The following DGKG variants were observed in gnomAD, a reference collection of about 807,000 sequenced individuals.
The protein encoded by DGKG is DAG kinase gamma.
A neutral mutation model predicts 105.3 loss-of-function variants in DGKG; 78 were observed. The ratio of observed to expected loss-of-function variants is 0.74; its 90% CI spans 0.62 to 0.89. The LOEUF (loss-of-function observed/expected upper bound fraction) is 0.89, where lower values mean the gene tolerates loss of function less well. Among genes scored for constraint, DGKG ranks in the 40% least tolerant of loss-of-function variants. The pLI, the probability that DGKG is intolerant of heterozygous loss-of-function variation, is 0.00. For missense variants in DGKG, 958 were observed against 1,020.1 expected (o/e 0.94, Z 0.83); for synonymous variants, 346 against 367.1 (o/e 0.94, Z 0.66).
Position 186,288,835 on chromosome 3 carries a change from G to A in DGKG, c.419C>T (p.Ala140Val). The A allele has an allele frequency of 6.2e-7, 1 of 1,606,560 alleles. No individual in the cohort carries two copies. The highest frequency in any genetic ancestry group is 8.5e-7 in the Non-Finnish European group (1 of 1,176,658). ...GACGGGGGGTTCCAGGGGGGTCGCA[G>A]CCACTTGGTCTTCAGCTGGTGCTTG... ...EKQAPAEDQV[A>V]ATPLEPPVPR... The change falls in exon 6 of 25, where the codon GCT becomes GTT. Residue 140 changes from alanine (A) to valine (V), a missense_variant. Transcript: ENST00000265022.
At position 186,268,855 on chromosome 3, in the gene DGKG, A is replaced by G. The variant is rs766012608; in HGVS notation, c.1062T>C (p.Ser354=). 1.2e-6 allele frequency: 2 copies of G among 1,614,044 alleles called. No homozygotes were observed. The highest frequency in any genetic ancestry group is 2.2e-5 in the South Asian group (2 of 91,082). ...SSVKCDRCHK[S]IKCYQSVTAR... ...CGGTGACACTCTGGTAGCACTTGAT[A>G]CTTTTGTGGCACCGGTCACACTTGA... is the stretch of plus-strand genomic sequence containing the variant. Residue 354 remains serine (S), a synonymous_variant, in exon 12 of 25, where the codon AGT becomes AGC. Transcript: ENST00000265022.
chr3:186,186,803 T>G (rs1482270559), intron 22 of DGKG, among the ~76,000 whole-genome samples: 2 of 152,114 alleles, frequency 1.3e-5, no homozygotes, highest in Non-Finnish European at 2.9e-5. Flanking sequence ...TTTGATTGAA[T>G]CTCTCCATTT....
rs565744810 is a variant in DGKG, at chr3:186,183,956, G to A, written c.2095+4246C>T. Among the ~76,000 whole-genome samples the A allele has an allele frequency of 3.4e-3, 517 of 152,188 alleles. 3 individuals carry two copies. The highest frequency in any genetic ancestry group is 0.012 in the African/African-American group (497 of 41,516). ...CAACTTCAGGTGATCCACCTGCCTC[G>A]GCTTCCCAAAGTGCTGGGATTACAG... On this transcript the variant is annotated intron_variant, in intron 22 of 24. Coordinates refer to ENST00000265022, the MANE Select transcript of DGKG (RefSeq NM_001346.3).
chr3:186,147,709 T>C lies in DGKG; in HGVS notation c.*2381A>G. ...GTCTCTGAGAATCAATTTCACCTGT[T>C]GATAGTGCCATGTCTCAATAGCCTC... On this transcript the variant is annotated 3_prime_UTR_variant, in exon 25 of 25. Transcript: ENST00000265022. 1.0e-6 allele frequency: 1 copy of C among 985,442 alleles called. No homozygotes were observed. Among genetic ancestry groups the C allele is most frequent in the Non-Finnish European group, 1.2e-6 (1 of 829,936 alleles). 61.0% of individuals were successfully genotyped at this position (985,442 alleles called of 1,614,324 possible).
chr3:186,257,917 G>C lies in DGKG; in HGVS notation c.1447C>G (p.Pro483Ala), dbSNP rs1301704466. ...TPGLNFFRDTPDFRVLACGGD... is the reference protein window; with the variant it reads ...TPGLNFFRDTADFRVLACGGD... ...CCACAGGCCAAAACACGGAAGTCTGGAGTATCACGGAAAAAGTTCAACCTG... is the reference window on the plus strand; with the variant it reads ...CCACAGGCCAAAACACGGAAGTCTGCAGTATCACGGAAAAAGTTCAACCTG... Residue 483 changes from proline (P) to alanine (A), a missense_variant, in exon 17 of 25, where the codon CCA (proline) becomes GCA (alanine). Transcript: ENST00000265022. 6.2e-7 allele frequency: 1 copy of C among 1,613,930 alleles called. No individual in the cohort carries two copies. The highest frequency in any genetic ancestry group is 8.5e-7 in the Non-Finnish European group (1 of 1,179,978).
rs560407287 is a variant in DGKG, at chr3:186,205,477, A to C, written c.1917+6318T>G. Among the ~76,000 whole-genome samples the C allele has an allele frequency of 5.3e-5, 8 of 152,276 alleles. No homozygotes were observed. The South Asian group carries it at 1.0e-3, about 20-fold the overall frequency. On this transcript the variant is annotated intron_variant, in intron 21 of 24. Coordinates refer to ENST00000265022, the MANE Select transcript of DGKG (RefSeq NM_001346.3). ...GTAATCTCAGCACTTTGGGAGGCCAAGGTGGGTGGGTCACCTGAGGTTAGG... is the reference window on the plus strand; with the variant it reads ...GTAATCTCAGCACTTTGGGAGGCCACGGTGGGTGGGTCACCTGAGGTTAGG...
chr3:186,158,097 C>G (rs1164779046), intron 24 of DGKG: 1 of 531,346 alleles, frequency 1.9e-6, no homozygotes, highest in East Asian at 1.5e-4. Flanking sequence ...TGATTCCTTT[C>G]TCTTTTAAAA....
chr3:186,167,970 C>T (rs951677724), intron 22 of DGKG, among the ~76,000 whole-genome samples: 1 of 152,208 alleles, frequency 6.6e-6, no homozygotes, highest in African/African-American at 2.4e-5. Flanking sequence ...GTGACTGATT[C>T]TGCTGGGGCA....
At chr3:186,348,170 C>G (rs1447751328) in intron 1 of DGKG, among the ~76,000 whole-genome samples, 1 of 152,080 alleles carries the variant, frequency 6.6e-6, no homozygotes, top group South Asian at 2.1e-4. Flanking sequence ...GTAATTTTGG[C>G]AGTTGCATTG....
chr3:186,311,109 T>C (rs1266492954), intron 2 of DGKG, among the ~76,000 whole-genome samples: 1 of 152,158 alleles, frequency 6.6e-6, no homozygotes, highest in Admixed American at 6.5e-5. Context: ...CCTGGGGAGC[T>C]CTATACACAC....
chr3:186,171,985 T>C (rs1388742359), intron 22 of DGKG, among the ~76,000 whole-genome samples: 2 of 152,044 alleles, frequency 1.3e-5, no homozygotes, highest in Non-Finnish European at 2.9e-5. Flanking sequence ...CCTCCCAATT[T>C]TCTGGGATTA....
chr3:186,358,285 C>T (rs560193560), intron 1 of DGKG, among the ~76,000 whole-genome samples: 4 of 152,354 alleles, frequency 2.6e-5, no homozygotes, highest in Admixed American at 6.5e-5. Context: ...GGTAAGCTTA[C>T]GCACAGGTGC....
At chr3:186,327,665 G>A (rs1405252662) in intron 1 of DGKG, among the ~76,000 whole-genome samples, 1 of 151,472 alleles carries the variant, frequency 6.6e-6, no homozygotes, top group African/African-American at 2.4e-5. Flanking sequence ...CACCTGCCTC[G>A]GTCTCCCAAA....
chr3:186,197,812 A>G (rs1718258642), intron 21 of DGKG, among the ~76,000 whole-genome samples: 1 of 152,176 alleles, frequency 6.6e-6, no homozygotes. Flanking sequence ...CGCTGCCTAA[A>G]CTGCCCATCA....
At chr3:186,279,568 G>T (rs1346693700) in intron 9 of DGKG, 3 of 217,366 alleles carry the variant, frequency 1.4e-5, no homozygotes, top group Non-Finnish European at 2.7e-5. Context: ...CCCTTTGCCT[G>T]GTTGAGTATA....
At chr3:186,349,669 G>T (rs78029771) in intron 1 of DGKG, among the ~76,000 whole-genome samples, 2,264 of 152,242 alleles carry the variant, frequency 0.015, 52 homozygotes, top group African/African-American at 0.052. Context: ...CCAGCACAAG[G>T]CACATCTGAG....
In DGKG at chr3:186,317,379, G is replaced by C. The variant is rs1159499510; in HGVS notation, c.67+3014C>G. 2.0e-5 allele frequency among the ~76,000 whole-genome samples: 3 copies of C among 152,174 alleles called. No individual in the cohort carries two copies. In the East Asian group the frequency reaches 5.8e-4, roughly 29 times the overall value. ...CTCCTCGCATGATTCCCAAACCAGA[G>C]CTATGGACTGACCCCTCATTTCCAC... On this transcript the variant is annotated intron_variant, in intron 2 of 24. Transcript: ENST00000265022.
intron 24 of DGKG, among the ~76,000 whole-genome samples, chr3:186,152,686 C>T (rs1250648229): frequency 6.6e-6 from 1 of 152,090 alleles, no homozygotes; most frequent in African/African-American, 2.4e-5. Flanking sequence ...ATTTTTGAGA[C>T]AGAGTCTCGC....
Position 186,147,828 on chromosome 3 carries a change from A to T in DGKG, c.*2262T>A, listed in dbSNP as rs2280210. ...ACCTGAACCTGCCTCAGTTTCAGAAACAAGTGGCTTCCAAGATAGTACCTG... is the reference window on the plus strand; with the variant it reads ...ACCTGAACCTGCCTCAGTTTCAGAATCAAGTGGCTTCCAAGATAGTACCTG... On this transcript the variant is annotated 3_prime_UTR_variant, in exon 25 of 25. Coordinates refer to ENST00000265022, the MANE Select transcript of DGKG (RefSeq NM_001346.3). The T allele has an allele frequency of 0.5, 490,984 of 985,036 alleles. 123,423 individuals are homozygous for T. The highest frequency in any genetic ancestry group is 0.75 in the East Asian group (6,590 of 8,806). 61.0% of individuals were successfully genotyped at this position (985,036 alleles called of 1,614,324 possible). A position where few individuals can be genotyped will look rare whatever the true frequency, so the allele number is the denominator to read the frequency against.
Sources: allele counts gnomAD v4.1 joint callset (sites outside exome capture counted in the v4.1 genomes callset), GRCh38; gene constraint gnomAD v4.1.1; transcripts MANE v1.5; gene names NCBI Gene and HGNC (gene_info 2026-07-23, HGNC 2026-07-21).